Variants in SARS1 observed in about 807,000 individuals in gnomAD.
The protein encoded by SARS1 is serine--tRNA ligase, cytoplasmic.
A neutral mutation model predicts 63.7 loss-of-function variants in SARS1; 25 were observed. The observed-to-expected ratio is 0.39, with a 90% CI of 0.29 to 0.55. SARS1 has a LOEUF of 0.55. Ranked by LOEUF, SARS1 falls within the 20% of genes least tolerant of loss-of-function variation. SARS1 has a pLI of 0.62. For synonymous variants in SARS1, 231 were observed against 243.5 expected (o/e 0.95, Z 0.48); for missense variants, 417 against 649.7 (o/e 0.64, Z 3.89).
rs986646590 is a variant in SARS1 at position 109,237,273 on chromosome 1, C to T, written c.1287C>T (p.Thr429=). Residue 429 remains threonine (T), a synonymous_variant, in exon 10 of 11, where the codon ACC becomes ACT. Coordinates refer to ENST00000234677, the MANE Select transcript of SARS1 (RefSeq NM_006513.4). The surrounding 1 kb of genome is among the most constrained non-coding windows in gnomAD (Gnocchi z 4.1). ...AGTTTGTCCATATGCTCAATGCTAC[C>T]ATGTGCGCCACTACCCGTACCATCT... ...KVEFVHMLNA[T]MCATTRTICA... 8 of 1,613,998 alleles carry T rather than the reference C, an allele frequency of 5.0e-6. No individual in the cohort carries two copies. The highest frequency in any genetic ancestry group is 6.8e-6 in the Non-Finnish European group (8 of 1,180,002).
In SARS1 at chr1:109,235,089, C is replaced by G. The variant is rs1217266783; in HGVS notation, c.748-121C>G. On this transcript the variant is annotated intron_variant, in intron 6 of 10. Coordinates refer to ENST00000234677, the MANE Select transcript of SARS1 (RefSeq NM_006513.4). The surrounding 1 kb of genome is among the most constrained non-coding windows in gnomAD (Gnocchi z 4.7). Reference sequence around the variant, plus strand: ...ATCTTTTTAGTATTCTCTCCCCACTCCCAGGCAGGGATTAAAGGAAATTTT... The same window carrying G: ...ATCTTTTTAGTATTCTCTCCCCACTGCCAGGCAGGGATTAAAGGAAATTTT... 1 of 769,222 alleles carries G rather than the reference C, an allele frequency of 1.3e-6. No individual in the cohort carries two copies. Among genetic ancestry groups the G allele is most frequent in the Admixed American group, 1.9e-5 (1 of 53,018 alleles). 47.6% of individuals were successfully genotyped at this position (769,222 alleles called of 1,614,324 possible).
chr1:109,224,366 C>T (rs1416289537), intron 2 of SARS1, among the ~76,000 whole-genome samples: 3 of 152,066 alleles, frequency 2.0e-5, no homozygotes, highest in East Asian at 1.9e-4. Context: ...TCAGATTTGT[C>T]GTCTCAGCGT....
chr1:109,222,676 A>G (rs1654976150), intron 1 of SARS1, among the ~76,000 whole-genome samples: 1 of 152,182 alleles, frequency 6.6e-6, no homozygotes, highest in South Asian at 2.1e-4. Context: ...ATGGCTCTCT[A>G]GGTGCTATCT....
chr1:109,222,875 T>C (rs969282382), intron 1 of SARS1, among the ~76,000 whole-genome samples: 5 of 151,976 alleles, frequency 3.3e-5, no homozygotes, highest in African/African-American at 7.3e-5. Context: ...ATTAGCTGGG[T>C]GTGGTGGCGC....
chr1:109,217,595 C>G (rs951669346), intron 1 of SARS1, among the ~76,000 whole-genome samples: 1 of 151,234 alleles, frequency 6.6e-6, no homozygotes, highest in East Asian at 1.9e-4. Context: ...GCGTCTTGTT[C>G]TGTTGCCTAG....
intron 6 of SARS1, among the ~76,000 whole-genome samples, chr1:109,232,920 C>A (rs549573203): frequency 6.6e-6 from 1 of 152,154 alleles, no homozygotes; most frequent in African/African-American, 2.4e-5. Flanking sequence ...CTTATCCAGA[C>A]GCTTCTTGGA....
chr1:109,219,970 T>C (rs1398714336), intron 1 of SARS1, among the ~76,000 whole-genome samples: 1 of 152,198 alleles, frequency 6.6e-6, no homozygotes, highest in Non-Finnish European at 1.5e-5. Flanking sequence ...ATAAACTGGG[T>C]TGTTACCGGT....
At chr1:109,228,165 G>A (rs1655132514) in intron 2 of SARS1, among the ~76,000 whole-genome samples, 187 bp from the exon 3 acceptor site, 1 of 152,146 alleles carries the variant, frequency 6.6e-6, no homozygotes, top group Non-Finnish European at 1.5e-5. Flanking sequence ...ATAGGGAGGG[G>A]CTTGACACTT....
chr1:109,217,376 A>G (rs2924), intron 1 of SARS1, among the ~76,000 whole-genome samples: 66,177 of 151,866 alleles, frequency 0.44, 16,386 homozygotes, highest in Non-Finnish European at 0.55. Context: ...TGAATATCTC[A>G]TGTAATTTAT....
chr1:109,214,902 A>C lies in SARS1; in HGVS notation c.136+774A>C, dbSNP rs2101178010. 1 of 985,428 alleles carries C rather than the reference A, an allele frequency of 1.0e-6. No individual in the cohort carries two copies. Among genetic ancestry groups the C allele is most frequent in the East Asian group, 1.1e-4 (1 of 8,822 alleles). 61.0% of individuals were successfully genotyped at this position (985,428 alleles called of 1,614,324 possible). On this transcript the variant is annotated intron_variant, in intron 1 of 10. Transcript: ENST00000234677. The surrounding 1 kb of genome is among the most constrained non-coding windows in gnomAD (Gnocchi z 4.6). The stretch of plus-strand genomic sequence containing the variant: ...GGCATCTATCATGAAGCCGAATAAA[A>C]CCATAGAACCATCTGCCCATAAATC...
chr1:109,225,858 C>G (rs1021446388), intron 2 of SARS1, among the ~76,000 whole-genome samples: 2 of 152,154 alleles, frequency 1.3e-5, no homozygotes, highest in African/African-American at 2.4e-5. Flanking sequence ...AGCAAGGGAG[C>G]CTGGTAACTA....
Position 109,215,431 on chromosome 1 carries a change from T to C in SARS1, c.136+1303T>C. 3 of 985,454 alleles carry C rather than the reference T, an allele frequency of 3.0e-6. No homozygotes were observed. The South Asian group carries it at 1.4e-4, about 46-fold the overall frequency. 61.0% of individuals were successfully genotyped at this position (985,454 alleles called of 1,614,324 possible). On this transcript the variant is annotated intron_variant, in intron 1 of 10. Transcript: ENST00000234677. ...ACATCTGAGGGATTTGTCCCTTATC[T>C]GAAAAGTAGATAGGTGGTGAGTTCT...
intron 2 of SARS1, among the ~76,000 whole-genome samples, chr1:109,227,426 C>T (rs978358459): frequency 2.0e-5 from 3 of 152,152 alleles, no homozygotes; most frequent in East Asian, 1.9e-4. Context: ...CTAGAGAGAA[C>T]GAAATCCAAC....
At chr1:109,236,328 C>T in intron 8 of SARS1, 63 bp from the exon 9 acceptor site, 1 of 1,509,532 alleles carries the variant, frequency 6.6e-7, no homozygotes, top group Non-Finnish European at 9.0e-7. Context: ...TTCAGGCTTG[C>T]TAAAGGTTAG....
At chr1:109,233,861 A>G (rs1410901587) in intron 6 of SARS1, among the ~76,000 whole-genome samples, 2 of 50,704 alleles carry the variant, frequency 3.9e-5, no homozygotes, top group Non-Finnish European at 1.1e-4. Context: ...ACACCTGGCT[A>G]ATTTTTTTTT....
chr1:109,223,619 C>T (rs1655005044), intron 1 of SARS1, among the ~76,000 whole-genome samples: 1 of 152,152 alleles, frequency 6.6e-6, no homozygotes. Flanking sequence ...GCCTGGCCAA[C>T]ATGGTGAAAC....
Position 109,235,458 on chromosome 1 carries a change from T to A in SARS1, c.969+27T>A. 1 of 1,560,818 alleles carries A rather than the reference T, an allele frequency of 6.4e-7. No homozygotes were observed. The highest frequency in any genetic ancestry group is 8.8e-7 in the Non-Finnish European group (1 of 1,139,346). On this transcript the variant is annotated intron_variant, in intron 7 of 10. Coordinates refer to ENST00000234677, the MANE Select transcript of SARS1 (RefSeq NM_006513.4). The surrounding 1 kb of genome is among the most constrained non-coding windows in gnomAD (Gnocchi z 4.7). ...TGAGTAGATGGGTCAGGGTAAGGAG[T>A]GGAACTTTCTCTGTCTCCAGAATGG... is the stretch of plus-strand genomic sequence containing the variant.
chr1:109,236,613 C>A, intron 9 of SARS1, 65 bp downstream of exon 9: 1 of 1,566,800 alleles, frequency 6.4e-7, no homozygotes, highest in South Asian at 1.2e-5. Flanking sequence ...AATTATTTCT[C>A]AGCCTTTGGG....
chr1:109,234,286 A>G (rs915529077), intron 6 of SARS1, among the ~76,000 whole-genome samples: 4 of 151,792 alleles, frequency 2.6e-5, no homozygotes, highest in Non-Finnish European at 5.9e-5. Context: ...GGCCTCCCAA[A>G]GTGCTGGGAT....
Sources: gnomAD v4.1 joint callset for allele counts (sites outside exome capture counted in the v4.1 genomes callset) on GRCh38, gnomAD v4.1.1 for gene constraint, Gnocchi (gnomAD v3.1) non-coding constraint, MANE v1.5 for transcripts, NCBI Gene and HGNC (gene_info 2026-07-23, HGNC 2026-07-21) for gene names.